The following TEC variants were observed in gnomAD, a reference collection of about 807,000 sequenced individuals.
TEC encodes tyrosine-protein kinase Tec.
Under a neutral mutation model 93.0 loss-of-function variants are expected in TEC, and 72 were observed. The observed-to-expected ratio is 0.77, with a 90% CI of 0.64 to 0.94. The LOEUF is 0.94. Among genes scored for constraint, TEC ranks in the 40% least tolerant of loss-of-function variants. The pLI is 0.00. For synonymous variants in TEC, 249 were observed against 247.7 expected (o/e 1.01, Z -0.05); for missense variants, 630 against 757.9 (o/e 0.83, Z 1.98).
intron 8 of TEC, among the ~76,000 whole-genome samples, chr4:48,161,598 CTTTTTT>C (rs34780131): frequency 7.7e-6 from 1 of 130,124 alleles, no homozygotes; most frequent in Non-Finnish European, 1.6e-5. Context: ...CTGCCAGAGG[CTTTTTT>C]TTTTTTTTTT....
At chr4:48,183,052 G>A (rs757366989) in intron 2 of TEC, among the ~76,000 whole-genome samples, 3 of 152,236 alleles carry the variant, frequency 2.0e-5, no homozygotes, top group Non-Finnish European at 4.4e-5. Flanking sequence ...CCAGGGTCTT[G>A]TGGCAGAGGA....
chr4:48,193,139 CTT>C (rs1722150957), intron 2 of TEC, among the ~76,000 whole-genome samples: 1 of 147,888 alleles, frequency 6.8e-6, no homozygotes, highest in African/African-American at 2.5e-5. Flanking sequence ...GTAGCCACCA[CTT>C]TTTCTTTTCC....
intron 2 of TEC, among the ~76,000 whole-genome samples, chr4:48,185,690 T>C (rs892782009): frequency 1.3e-5 from 2 of 152,196 alleles, no homozygotes; most frequent in Non-Finnish European, 2.9e-5. Context: ...TACATAAGCA[T>C]GGCATAATTT....
intron 9 of TEC, 21 bp downstream of exon 9, chr4:48,156,659 C>T: frequency 1.3e-6 from 2 of 1,598,046 alleles, no homozygotes; most frequent in Non-Finnish European, 1.7e-6. Flanking sequence ...TTAAGCCAAA[C>T]CCACAAGTAC....
Position 48,137,305 on chromosome 4 carries a change from C to T in TEC, c.*111G>A. On this transcript the variant is annotated 3_prime_UTR_variant, in exon 18 of 18. Coordinates refer to ENST00000381501, the MANE Select transcript of TEC (RefSeq NM_003215.3). Reference sequence around the variant, plus strand: ...TAGAAGCAAATTATTTATGTGTTTCCACTGTATAAGTAAAATGATCTACAT... The same window carrying T: ...TAGAAGCAAATTATTTATGTGTTTCTACTGTATAAGTAAAATGATCTACAT... 1 of 801,188 alleles carries T rather than the reference C, an allele frequency of 1.2e-6. No individual in the cohort carries two copies. Among genetic ancestry groups the T allele is most frequent in the East Asian group, 2.6e-5 (1 of 38,080 alleles). The allele number at this position is 801,188 out of a possible 1,614,324, so 49.6% of individuals were successfully genotyped here.
At chr4:48,203,174 G>A (rs2109599500) in intron 2 of TEC, among the ~76,000 whole-genome samples, 1 of 152,216 alleles carries the variant, frequency 6.6e-6, no homozygotes, top group East Asian at 1.9e-4. Flanking sequence ...GACCAGCCTG[G>A]CCAACACAGT....
rs1008669192 is a variant in TEC at position 48,206,460 on chromosome 4, TAAGAA to T, written c.138+22012_138+22016del. Among the ~76,000 whole-genome samples, 10 of 152,080 alleles carry T rather than the reference TAAGAA, an allele frequency of 6.6e-5. No individual in the cohort carries two copies. In the South Asian group the frequency reaches 1.0e-3, roughly 16 times the overall value. ...ATTTTTTATACCTTTTAAAAACAAA[TAAGAA>T]AAGAACAGAAAACCTAAGAAACAAA... On this transcript the variant is annotated intron_variant, in intron 2 of 17. Coordinates refer to ENST00000381501, the MANE Select transcript of TEC (RefSeq NM_003215.3).
chr4:48,249,455 AAATCTTATGTTCATGGT>A (rs1372803734), intron 1 of TEC, among the ~76,000 whole-genome samples: 1 of 152,248 alleles, frequency 6.6e-6, no homozygotes, highest in Non-Finnish European at 1.5e-5. Context: ...ACAGAAATGT[AAATCTTATGTTCATGGT>A]AATATTGTGT....
intron 2 of TEC, among the ~76,000 whole-genome samples, chr4:48,184,124 G>C (rs1392878457): frequency 6.6e-6 from 1 of 152,102 alleles, no homozygotes; most frequent in East Asian, 1.9e-4. Context: ...CTCTTAATGT[G>C]GATAATCTCA....
intron 8 of TEC, among the ~76,000 whole-genome samples, chr4:48,162,929 T>C (rs968578448): frequency 4.6e-5 from 7 of 152,212 alleles, no homozygotes; most frequent in East Asian, 1.9e-4. Flanking sequence ...ACAGCATGCG[T>C]TGGGAACCCT....
At chr4:48,177,353 A>C (rs1301404475) in intron 2 of TEC, among the ~76,000 whole-genome samples, 2 of 152,258 alleles carry the variant, frequency 1.3e-5, no homozygotes, top group African/African-American at 4.8e-5. Flanking sequence ...CATATGACAA[A>C]GAATAGAAGA....
At chr4:48,176,779 C>T (rs970610105) in intron 2 of TEC, among the ~76,000 whole-genome samples, 21 of 152,096 alleles carry the variant, frequency 1.4e-4, no homozygotes, top group African/African-American at 4.8e-4. Flanking sequence ...CCTGCCCCTG[C>T]CAGATACACA....
intron 8 of TEC, among the ~76,000 whole-genome samples, chr4:48,160,792 G>A (rs1378240267): frequency 4.9e-5 from 6 of 121,744 alleles, no homozygotes; most frequent in Non-Finnish European, 9.0e-5. Context: ...GAAAAGAAAA[G>A]AAGAAAGAAA....
Position 48,170,395 on chromosome 4 carries a change from G to T in TEC, c.326-19C>A, listed in dbSNP as rs1198466754. The T allele has an allele frequency of 1.6e-6, 2 of 1,285,688 alleles. No individual in the cohort carries two copies. The highest frequency in any genetic ancestry group is 2.2e-6 in the Non-Finnish European group (2 of 909,634). 79.6% of individuals were successfully genotyped at this position (1,285,688 alleles called of 1,614,324 possible). A position where few individuals can be genotyped will look rare whatever the true frequency, so the allele number is the denominator to read the frequency against. ...TTTATTTCTGTAATTCACAGATATAGTAATTAATAGTGAAATACAAAAGCA... is the reference window on the plus strand; with the variant it reads ...TTTATTTCTGTAATTCACAGATATATTAATTAATAGTGAAATACAAAAGCA... On this transcript the variant is annotated intron_variant, in intron 4 of 17. Transcript: ENST00000381501.
Position 48,145,100 on chromosome 4 carries a change from G to C in TEC, c.1449C>G (p.Asn483Lys). The change falls in exon 14 of 18, where the codon AAC (asparagine) becomes AAG (lysine). Residue 483 changes from asparagine to lysine, a missense_variant. Asn to Lys is a moderately conservative substitution (Grantham distance 94, BLOSUM62 0). Coordinates refer to ENST00000381501, the MANE Select transcript of TEC (RefSeq NM_003215.3). ...TTACCAGATCTCTGTGGATGAAGCT[G>C]TTTCTCTCCAGATACTCCATCCCTT... ...VCEGMEYLER[N>K]SFIHRDLAAR... 1 of 1,613,958 alleles carries C rather than the reference G, an allele frequency of 6.2e-7. No individual in the cohort carries two copies.
At chr4:48,218,250 T>G (rs1252557753) in intron 2 of TEC, among the ~76,000 whole-genome samples, 2 of 152,208 alleles carry the variant, frequency 1.3e-5, no homozygotes, top group African/African-American at 4.8e-5. Flanking sequence ...ATAATATAGT[T>G]GAGAATTTCC....
At chr4:48,137,731 T>C (rs1400845319) in intron 17 of TEC, among the ~76,000 whole-genome samples, 1 of 152,222 alleles carries the variant, frequency 6.6e-6, no homozygotes, top group Non-Finnish European at 1.5e-5. Context: ...AAGACCCTGA[T>C]AGATCTTTTT....
chr4:48,195,242 A>G (rs1722258349), intron 2 of TEC, among the ~76,000 whole-genome samples: 1 of 152,222 alleles, frequency 6.6e-6, no homozygotes, highest in Non-Finnish European at 1.5e-5. Flanking sequence ...TCACTGTACT[A>G]TTCTGTCTAC....
At chr4:48,173,090 T>G (rs1721181078) in intron 3 of TEC, among the ~76,000 whole-genome samples, 2 of 152,176 alleles carry the variant, frequency 1.3e-5, no homozygotes, top group Non-Finnish European at 2.9e-5. Context: ...AGTGTTAGAA[T>G]CCTCTTTTTT....
Sources: allele counts gnomAD v4.1 joint callset (sites outside exome capture counted in the v4.1 genomes callset), GRCh38; gene constraint gnomAD v4.1.1; transcripts MANE v1.5; gene names NCBI Gene and HGNC (gene_info 2026-07-23, HGNC 2026-07-21).